The following ROBO1 variants were observed in gnomAD, a reference collection of about 807,000 sequenced individuals.
ROBO1 encodes the protein roundabout guidance receptor 1, also known as roundabout homolog 1.
ROBO1 carries 149 observed loss-of-function variants against 195.9 expected under a neutral mutation model. The observed-to-expected ratio is 0.76, with a 90% confidence interval of 0.67 to 0.87. The LOEUF (loss-of-function observed/expected upper bound fraction) is 0.87. Ranked by LOEUF, ROBO1 falls within the 40% of genes least tolerant of loss-of-function variation. ROBO1 has a pLI of 0.00. For missense variants in ROBO1, 1,933 were observed against 2,068.3 expected, an observed-to-expected ratio of 0.93 and a Z score of 1.27; for synonymous variants, 816 against 733.2, an observed-to-expected ratio of 1.11 and a Z score of -1.82.
At chr3:79,685,420 C>A (rs1212283474) in intron 1 of ROBO1, among the ~76,000 whole-genome samples, 1 of 152,162 alleles carries the variant, frequency 6.6e-6, no homozygotes, top group Non-Finnish European at 1.5e-5. Flanking sequence ...TTATGGACAT[C>A]TGAAAAACCC....
chr3:79,201,398 C>T (rs1398336029), intron 2 of ROBO1, among the ~76,000 whole-genome samples: 1 of 151,836 alleles, frequency 6.6e-6, no homozygotes, highest in African/African-American at 2.4e-5. Flanking sequence ...TTTTATAGTG[C>T]TCATGTAAAG....
intron 1 of ROBO1, among the ~76,000 whole-genome samples, chr3:79,667,973 T>C (rs1275338443): frequency 2.0e-5 from 3 of 151,828 alleles, no homozygotes; most frequent in Non-Finnish European, 4.4e-5. Flanking sequence ...TGCCTTTTAG[T>C]CCTTGTAGCT....
At chr3:78,626,241 G>A (rs1704771469) in intron 26 of ROBO1, among the ~76,000 whole-genome samples, 1 of 152,230 alleles carries the variant, frequency 6.6e-6, no homozygotes, top group Admixed American at 6.5e-5. Context: ...TTTAATATGG[G>A]AAAGAAGTGC....
At chr3:79,738,420 C>T (rs1703481124) in intron 1 of ROBO1, among the ~76,000 whole-genome samples, 1 of 152,182 alleles carries the variant, frequency 6.6e-6, no homozygotes, top group South Asian at 2.1e-4. Context: ...TTCCCTCCAT[C>T]TTGGCCAGCA....
chr3:78,955,201 TAGGTAAACTGTGTGTCATGGGGGTTATAC>T lies in ROBO1; in HGVS notation c.173-16303_173-16275del, dbSNP rs541538527. 5.5e-3 allele frequency among the ~76,000 whole-genome samples: 832 copies of T among 150,274 alleles called. 10 individuals are homozygous for T. The highest frequency in any genetic ancestry group is 0.027 in the East Asian group (136 of 5,052). ...GTAAACTGTGTATCATGGGGTTATA[TAGGTAAACTGTGTGTCATGGGGGTTATAC>T]AGGTAAACTGTGTGTCATGGGGGTT... On this transcript the variant is annotated intron_variant, in intron 3 of 30. Transcript: ENST00000464233.
At chr3:79,402,947 C>T (rs1230743765) in intron 2 of ROBO1, among the ~76,000 whole-genome samples, 2 of 151,702 alleles carry the variant, frequency 1.3e-5, no homozygotes, top group Admixed American at 6.6e-5. Context: ...TGGAACTCAT[C>T]GTCTTCTTCC....
chr3:79,576,043 TCATAA>T (rs1943474679), intron 2 of ROBO1, among the ~76,000 whole-genome samples: 1 of 152,018 alleles, frequency 6.6e-6, no homozygotes, highest in African/African-American at 2.4e-5. Flanking sequence ...CATCTGTTTG[TCATAA>T]CATATTATGA....
At chr3:78,788,184 T>C (rs13319888) in intron 4 of ROBO1, among the ~76,000 whole-genome samples, 145,452 of 150,272 alleles carry the variant, frequency 0.97, 70,562 homozygotes, top group East Asian at 1. Context: ...GGGGCAATCT[T>C]AGCTCACTGC....
intron 2 of ROBO1, among the ~76,000 whole-genome samples, chr3:79,530,650 A>C (rs1941611253): frequency 6.6e-6 from 1 of 152,034 alleles, no homozygotes. Flanking sequence ...AAAATTGCTC[A>C]GTGGCTATCG....
intron 3 of ROBO1, among the ~76,000 whole-genome samples, chr3:78,958,567 G>A (rs892838608): frequency 3.9e-5 from 6 of 151,984 alleles, no homozygotes; most frequent in South Asian, 2.1e-4. Flanking sequence ...TTTGAAAACA[G>A]GAGTATCTCT....
At chr3:79,041,230 C>T (rs2078482648) in intron 3 of ROBO1, among the ~76,000 whole-genome samples, 1 of 152,086 alleles carries the variant, frequency 6.6e-6, no homozygotes, top group Non-Finnish European at 1.5e-5. Flanking sequence ...CGTCATACTT[C>T]CCTATTGCTT....
chr3:79,498,888 C>G (rs1285722385), intron 2 of ROBO1, among the ~76,000 whole-genome samples: 1 of 152,084 alleles, frequency 6.6e-6, no homozygotes, highest in Admixed American at 6.6e-5. Context: ...TGTGATTCCA[C>G]TTACCATATG....
chr3:79,449,971 C>T lies in ROBO1; in HGVS notation c.88+139853G>A, dbSNP rs185946220. ...GAAACATACCCAAGAGTGACTTCAA[C>T]ATCTGGGCTGTGAATAGATACCTAA... is the stretch of plus-strand genomic sequence containing the variant. On this transcript the variant is annotated intron_variant, in intron 2 of 30. Transcript: ENST00000464233. Among the ~76,000 whole-genome samples, 457 of 152,178 alleles carry T rather than the reference C, an allele frequency of 3.0e-3. 2 individuals carry two copies. Among genetic ancestry groups the T allele is most frequent in the African/African-American group, 9.6e-3 (399 of 41,522 alleles).
Position 79,133,476 on chromosome 3 carries a change from C to T in ROBO1, c.89-7937G>A, listed in dbSNP as rs1470538749. ...TACCCTTTCTTCCAGTTGATCGCAT[C>T]GGCTCCTGAGGCTTCTGCATTCTTC... On this transcript the variant is annotated intron_variant, in intron 2 of 30. Transcript: ENST00000464233. Among the ~76,000 whole-genome samples, 703 of 109,408 alleles carry T rather than the reference C, an allele frequency of 6.4e-3. 7 individuals are homozygous for T. Among genetic ancestry groups the T allele is most frequent in the African/African-American group, 0.022 (611 of 27,416 alleles). The allele number at this position is 109,408 out of a possible 152,430, so 71.8% of individuals were successfully genotyped here.
At chr3:79,494,454 A>T (rs374414223) in intron 2 of ROBO1, among the ~76,000 whole-genome samples, 1 of 152,216 alleles carries the variant, frequency 6.6e-6, no homozygotes, top group East Asian at 1.9e-4. Context: ...TCTGCAAAAA[A>T]ATACAATTTT....
chr3:79,606,181 C>G (rs1162481746), intron 1 of ROBO1, among the ~76,000 whole-genome samples: 2 of 151,726 alleles, frequency 1.3e-5, no homozygotes, highest in Non-Finnish European at 2.9e-5. Flanking sequence ...ATGCAATGCG[C>G]TATTGTGTAA....
At chr3:79,042,648 C>T (rs967945370) in intron 3 of ROBO1, among the ~76,000 whole-genome samples, 3 of 152,096 alleles carry the variant, frequency 2.0e-5, no homozygotes, top group Non-Finnish European at 4.4e-5. Context: ...TTTCTGTTAT[C>T]AGTTTACCAA....
At chr3:78,937,186 C>G (rs974353052) in intron 4 of ROBO1, among the ~76,000 whole-genome samples, 1 of 151,938 alleles carries the variant, frequency 6.6e-6, no homozygotes, top group African/African-American at 2.4e-5. Context: ...TTTACATTCT[C>G]TAGGGCTGAT....
At chr3:79,127,427 A>G (rs1265735589) in intron 2 of ROBO1, among the ~76,000 whole-genome samples, 1 of 152,226 alleles carries the variant, frequency 6.6e-6, no homozygotes, top group East Asian at 1.9e-4. Flanking sequence ...AAATGATAGA[A>G]TGTGTTTAGA....
Sources: gnomAD v4.1 joint callset for allele counts (sites outside exome capture counted in the v4.1 genomes callset) on GRCh38, gnomAD v4.1.1 for gene constraint, MANE v1.5 for transcripts, NCBI Gene and HGNC (gene_info 2026-07-23, HGNC 2026-07-21) for gene names.